SMC3: variants seen among roughly 807,000 people sequenced by gnomAD.
SMC3 encodes structural maintenance of chromosomes 3.
Under a neutral mutation model 171.8 loss-of-function variants are expected in SMC3, and 20 were observed. The observed-to-expected ratio is 0.12, with a 90% confidence interval of 0.08 to 0.17. The LOEUF (loss-of-function observed/expected upper bound fraction) is 0.17, where lower values mean the gene tolerates loss of function less well. Ranked by LOEUF, SMC3 falls within the 10% of genes least tolerant of loss-of-function variation. The probability of loss-of-function intolerance (pLI) is 1.00; values close to 1 mark genes in which losing one functional copy is unlikely to be tolerated. For synonymous variants in SMC3, 464 were observed against 451.1 expected (o/e 1.03, Z -0.36); for missense variants, 543 against 1,420.4 (o/e 0.38, Z 9.93).
rs200741440 is a variant in SMC3 at position 110,574,847 on chromosome 10, T to C, written c.131-489T>C. On this transcript the variant is annotated intron_variant, in intron 3 of 28. Transcript: ENST00000361804. ...AGAGCTCGGTATAGTATAAGAAGTG[T>C]AGTATAAGTTGGGCATCTCAAACAT... is the stretch of plus-strand genomic sequence containing the variant. Among the ~76,000 whole-genome samples the C allele has an allele frequency of 2.6e-5, 4 of 152,206 alleles. No homozygotes were observed. The East Asian group carries it at 7.7e-4, about 29-fold the overall frequency.
intron 15 of SMC3, 151 bp downstream of exon 15, chr10:110,590,142 A>C (rs1188954324): frequency 4.1e-6 from 3 of 729,240 alleles, no homozygotes; most frequent in East Asian, 5.4e-5. Flanking sequence ...GATAGAGATT[A>C]AATAGTTTTA....
intron 16 of SMC3, 69 bp from the exon 17 acceptor site, chr10:110,590,922 G>C (rs942704298): frequency 5.7e-5 from 81 of 1,430,386 alleles, no homozygotes; most frequent in Non-Finnish European, 6.9e-6. Flanking sequence ...TGGGAGGATT[G>C]ATAAGTTTGG....
In SMC3 at chr10:110,580,779, G is replaced by A. The variant is rs573244137; in HGVS notation, c.430-125G>A. 1.5e-5 allele frequency: 11 copies of A among 722,070 alleles called. No homozygotes were observed. The African/African-American group carries it at 2.0e-4, about 13-fold the overall frequency. The allele number at this position is 722,070 out of a possible 1,614,324, so 44.7% of individuals were successfully genotyped here. ...AAAATCTAAAATCTGTAACACTTCT[G>A]GTTTCTAACCATTTTGCATAAGGGA... is the stretch of plus-strand genomic sequence containing the variant. On this transcript the variant is annotated intron_variant, in intron 7 of 28. Coordinates refer to ENST00000361804, the MANE Select transcript of SMC3 (RefSeq NM_005445.4).
At chr10:110,602,692 C>G (rs1456969126) in intron 26 of SMC3, 27 bp downstream of exon 26, 2 of 1,594,882 alleles carry the variant, frequency 1.3e-6, no homozygotes, top group East Asian at 2.2e-5. Flanking sequence ...TTCCATTTTC[C>G]TCAGAGCATT....
chr10:110,590,917 G>A, intron 16 of SMC3, 74 bp from the exon 17 acceptor site: 1 of 1,362,474 alleles, frequency 7.3e-7, no homozygotes, highest in Non-Finnish European at 1.0e-6. Flanking sequence ...TGAGGTGGGA[G>A]GATTGATAAG....
At chr10:110,583,349 A>G (rs1328144966) in intron 10 of SMC3, 35 bp from the exon 11 acceptor site, 3 of 1,562,518 alleles carry the variant, frequency 1.9e-6, no homozygotes, top group Non-Finnish European at 8.8e-7. Context: ...TTGTACTTCT[A>G]ATTGCCTTAT....
At chr10:110,594,107 C>T (rs868192320) in intron 18 of SMC3, among the ~76,000 whole-genome samples, 1 of 152,040 alleles carries the variant, frequency 6.6e-6, no homozygotes, top group Non-Finnish European at 1.5e-5. Context: ...GAAATGTGAT[C>T]ATATAGCAGG....
intron 16 of SMC3, 133 bp downstream of exon 16, chr10:110,590,705 G>C: frequency 1.3e-6 from 1 of 780,116 alleles, no homozygotes; most frequent in Non-Finnish European, 2.1e-6. Flanking sequence ...TCTAATTAAA[G>C]AAGTAGATGC....
intron 28 of SMC3, 89 bp downstream of exon 28, chr10:110,603,379 A>T (rs1861416831): frequency 1.2e-6 from 1 of 852,746 alleles, no homozygotes; most frequent in Non-Finnish European, 1.9e-6. Context: ...TAGTGAAAGA[A>T]AACTTAGAAA....
intron 19 of SMC3, among the ~76,000 whole-genome samples, chr10:110,597,726 T>C (rs751343235): frequency 2.7e-4 from 41 of 152,234 alleles, no homozygotes; most frequent in Non-Finnish European, 4.6e-4. Flanking sequence ...TCCAGCTAGA[T>C]TGAATTATTC....
In SMC3 at chr10:110,602,465, T is replaced by C. The variant is rs560040436; in HGVS notation, c.3106-9T>C. 17 of 1,608,184 alleles carry C rather than the reference T, an allele frequency of 1.1e-5. No homozygotes were observed. In the African/African-American group the frequency reaches 2.3e-4, roughly 21 times the overall value. On this transcript the variant is annotated splice_polypyrimidine_tract_variant and intron_variant, in intron 25 of 28. Coordinates refer to ENST00000361804, the MANE Select transcript of SMC3 (RefSeq NM_005445.4). ...CAAAATTTATATTTCAATCTGCTTTTGTTTTAAGGTATCTAAGAACTTCAG... is the reference window on the plus strand; with the variant it reads ...CAAAATTTATATTTCAATCTGCTTTCGTTTTAAGGTATCTAAGAACTTCAG...
Position 110,589,934 on chromosome 10 carries a change from T to C in SMC3, c.1452T>C (p.Ala484=), listed in dbSNP as rs778170157. The C allele has an allele frequency of 6.2e-7, 1 of 1,614,078 alleles. No homozygotes were observed. The highest frequency in any genetic ancestry group is 8.5e-7 in the Non-Finnish European group (1 of 1,179,996). The part of the protein sequence containing the change: ...REENAEQQAL[A]AKREDLEKKQ... ...AGAATGCAGAACAGCAAGCACTTGC[T>C]GCTAAAAGAGAAGATCTTGAAAAGA... The change falls in exon 15 of 29, where the codon GCT becomes GCC. Residue 484 remains alanine (A), a synonymous_variant. Transcript: ENST00000361804.
intron 13 of SMC3, 68 bp downstream of exon 13, chr10:110,584,464 T>C: frequency 9.0e-7 from 1 of 1,116,940 alleles, no homozygotes; most frequent in South Asian, 1.3e-5. Context: ...TTTTATCTAC[T>C]TCAAGTTTTC....
chr10:110,599,803 A>T lies in SMC3; in HGVS notation c.2418A>T (p.Gln806His). The part of the protein sequence containing the change: ...RVDALNDEIR[Q>H]LQQENRQLLN... ...ATGCACTGAATGATGAGATTCGTCA[A>T]CTTCAGCAGGTAAGTAGACAGCTGA... The change falls in exon 21 of 29, where the codon CAA becomes CAT. Residue 806 changes from glutamine (Q) to histidine (H), a missense_variant. Gln to His is a conservative substitution (Grantham distance 24). Transcript: ENST00000361804. The T allele has an allele frequency of 6.2e-7, 1 of 1,614,122 alleles. No individual in the cohort carries two copies. Among genetic ancestry groups the T allele is most frequent in the South Asian group, 1.1e-5 (1 of 91,086 alleles).
At chr10:110,570,105 G>C (rs78208228) in intron 2 of SMC3, among the ~76,000 whole-genome samples, 4 of 152,154 alleles carry the variant, frequency 2.6e-5, no homozygotes, top group African/African-American at 7.2e-5. Flanking sequence ...TTAGGTTCTC[G>C]TGAGGCTCTC....
At chr10:110,584,651 G>A (rs1394271322) in intron 13 of SMC3, among the ~76,000 whole-genome samples, 1 of 151,936 alleles carries the variant, frequency 6.6e-6, no homozygotes, top group Non-Finnish European at 1.5e-5. Context: ...TTTGAGATAG[G>A]GTCTTGTTCT....
Position 110,570,151 on chromosome 10 carries a change from G to C in SMC3, c.91+1138G>C, listed in dbSNP as rs140920909. ...ATGGACAGCTGCTGTCTTGCTGTGT[G>C]CTCACATGGCCCCATCCTCATGTCC... On this transcript the variant is annotated intron_variant, in intron 2 of 28. Transcript: ENST00000361804. Among the ~76,000 whole-genome samples the C allele has an allele frequency of 3.3e-3, 503 of 152,280 alleles. 3 individuals carry two copies. Among genetic ancestry groups the C allele is most frequent in the African/African-American group, 0.011 (468 of 41,554 alleles).
rs376252081 is a variant in SMC3 at position 110,567,743 on chromosome 10, C to A, written c.-74C>A. ...CGCTTTGGGGGAGGGGTCGCGTAGG[C>A]GCCTCACCTGACCCTGCGGCCGTGC... On this transcript the variant is annotated 5_prime_UTR_variant, in exon 1 of 29. Coordinates refer to ENST00000361804, the MANE Select transcript of SMC3 (RefSeq NM_005445.4). 2,073 of 1,577,144 alleles carry A rather than the reference C, an allele frequency of 1.3e-3. 3 individuals carry two copies. The highest frequency in any genetic ancestry group is 1.9e-3 in the Admixed American group (115 of 59,682).
chr10:110,591,815 A>G (rs1035947031), intron 17 of SMC3, among the ~76,000 whole-genome samples: 1 of 152,200 alleles, frequency 6.6e-6, no homozygotes, highest in Non-Finnish European at 1.5e-5. Flanking sequence ...AGAATCTTGT[A>G]AGCTATCAAA....
Sources: allele counts gnomAD v4.1 joint callset (sites outside exome capture counted in the v4.1 genomes callset), GRCh38; gene constraint gnomAD v4.1.1; transcripts MANE v1.5; gene names NCBI Gene and HGNC (gene_info 2026-07-23, HGNC 2026-07-21).